LDLRAD3: variants seen among roughly 807,000 people sequenced by gnomAD.
The protein encoded by LDLRAD3 is low density lipoprotein receptor class A domain containing 3.
Under a neutral mutation model 29.4 loss-of-function variants are expected in LDLRAD3, and 20 were observed. The observed-to-expected ratio is 0.68, with a 90% CI of 0.48 to 0.99. LDLRAD3 has a LOEUF of 0.99. Among genes scored for constraint, LDLRAD3 ranks in the 50% least tolerant of loss-of-function variants. The probability of loss-of-function intolerance (pLI) is 0.00; values close to 1 mark genes in which losing one functional copy is unlikely to be tolerated. For missense variants in LDLRAD3, 420 were observed against 454.3 expected (o/e 0.92, Z 0.69); for synonymous variants, 157 against 192.7 (o/e 0.81, Z 1.53).
intron 4 of LDLRAD3, among the ~76,000 whole-genome samples, chr11:36,103,534 T>G (rs1853482871): frequency 6.6e-6 from 1 of 152,186 alleles, no homozygotes; most frequent in African/African-American, 2.4e-5. Context: ...CCACCGTGCC[T>G]GGCCCAGTAT....
chr11:36,182,284 A>T (rs1372459643), intron 4 of LDLRAD3, among the ~76,000 whole-genome samples: 1 of 152,242 alleles, frequency 6.6e-6, no homozygotes, highest in African/African-American at 2.4e-5. Flanking sequence ...AGTCCTTTCC[A>T]GATAGAATAT....
At chr11:36,038,435 C>T (rs1303544064) in intron 2 of LDLRAD3, among the ~76,000 whole-genome samples, 1 of 152,114 alleles carries the variant, frequency 6.6e-6, no homozygotes, top group Non-Finnish European at 1.5e-5. Context: ...TACGGATTAT[C>T]GTTAGCTGAC....
intron 1 of LDLRAD3, among the ~76,000 whole-genome samples, chr11:35,994,336 CAAAAAAAAAAA>C (rs36041385): frequency 5.1e-4 from 25 of 49,036 alleles, no homozygotes; most frequent in African/African-American, 1.2e-3. Context: ...GACTTTGTCT[CAAAAAAAAAAA>C]AAAAAAAAAA....
intron 4 of LDLRAD3, among the ~76,000 whole-genome samples, chr11:36,159,127 A>G (rs1854397589): frequency 6.6e-6 from 1 of 152,234 alleles, no homozygotes; most frequent in African/African-American, 2.4e-5. Flanking sequence ...GAAGAAGAAC[A>G]GTGAGATAAG....
At chr11:35,950,645 G>C (rs1851119775) in intron 1 of LDLRAD3, among the ~76,000 whole-genome samples, 1 of 152,172 alleles carries the variant, frequency 6.6e-6, no homozygotes, top group Admixed American at 6.5e-5. Flanking sequence ...CATATATTAA[G>C]TGTCTGTGAT....
At chr11:35,947,451 A>C (rs559511336) in intron 1 of LDLRAD3, among the ~76,000 whole-genome samples, 1 of 152,022 alleles carries the variant, frequency 6.6e-6, no homozygotes, top group Non-Finnish European at 1.5e-5. Context: ...CGGAGGTTGC[A>C]ATAAGCCAAG....
chr11:36,157,634 C>T (rs1204212302), intron 4 of LDLRAD3, among the ~76,000 whole-genome samples: 2 of 152,192 alleles, frequency 1.3e-5, no homozygotes, highest in South Asian at 2.1e-4. Flanking sequence ...TACTATTTTG[C>T]GGGTCTCTGT....
rs556886776 is a variant in LDLRAD3, at chr11:36,032,438, T to A, written c.47-3665T>A. On this transcript the variant is annotated intron_variant, in intron 1 of 5. Transcript: ENST00000315571. ...TCTGAGGACACGGAGAACCCATCAG[T>A]GCATTTTAAAATCTCACTCTGTGTG... Among the ~76,000 whole-genome samples the A allele has an allele frequency of 2.6e-5, 4 of 152,256 alleles. No homozygotes were observed. The East Asian group carries it at 7.7e-4, about 29-fold the overall frequency.
chr11:36,064,688 A>G (rs1057035588), intron 2 of LDLRAD3, among the ~76,000 whole-genome samples: 1 of 152,084 alleles, frequency 6.6e-6, no homozygotes, highest in Non-Finnish European at 1.5e-5. Flanking sequence ...ATTTACAGCT[A>G]TAACTTTCAC....
chr11:36,220,375 G>C (rs1423984645), intron 4 of LDLRAD3, among the ~76,000 whole-genome samples: 1 of 152,124 alleles, frequency 6.6e-6, no homozygotes, highest in Non-Finnish European at 1.5e-5. Flanking sequence ...ATATATGTTA[G>C]CACAAAGACC....
intron 1 of LDLRAD3, among the ~76,000 whole-genome samples, chr11:36,010,815 T>C (rs1323658212): frequency 6.6e-5 from 10 of 152,170 alleles, no homozygotes; most frequent in Admixed American, 6.5e-4. Context: ...AGAAATTCTT[T>C]TTTTTTTGAA....
intron 1 of LDLRAD3, among the ~76,000 whole-genome samples, chr11:36,033,108 A>C (rs1852256662): frequency 6.6e-6 from 1 of 152,052 alleles, no homozygotes; most frequent in Non-Finnish European, 1.5e-5. Flanking sequence ...CCTGACCTCA[A>C]GTGATCCACC....
chr11:36,153,797 T>A (rs1854308739), intron 4 of LDLRAD3, among the ~76,000 whole-genome samples: 1 of 152,140 alleles, frequency 6.6e-6, no homozygotes, highest in Non-Finnish European at 1.5e-5. Flanking sequence ...TTCCTGCCAT[T>A]AGGGGGTTTC....
chr11:35,964,988 C>CAAA (rs368598047), intron 1 of LDLRAD3, among the ~76,000 whole-genome samples: 2,080 of 137,502 alleles, frequency 0.015, 52 homozygotes, highest in African/African-American at 0.05. Context: ...AGACTGTCTC[C>CAAA]AAAAAAAAAA....
chr11:36,120,248 G>A (rs11033437), intron 4 of LDLRAD3, among the ~76,000 whole-genome samples: 35,410 of 152,124 alleles, frequency 0.23, 4,390 homozygotes, highest in East Asian at 0.33. Context: ...GTATGATGAT[G>A]TAACAGGCAT....
chr11:35,974,058 T>C (rs1851448130), intron 1 of LDLRAD3, among the ~76,000 whole-genome samples: 1 of 152,236 alleles, frequency 6.6e-6, no homozygotes, highest in South Asian at 2.1e-4. Context: ...TATTGATTTG[T>C]AGGAACTACT....
At chr11:36,101,813 T>C (rs1853450554) in intron 4 of LDLRAD3, 5 of 272,546 alleles carry the variant, frequency 1.8e-5, no homozygotes. Flanking sequence ...AGTATTTTCC[T>C]GAAGAATCTC....
At chr11:35,953,595 G>C (rs1260678710) in intron 1 of LDLRAD3, among the ~76,000 whole-genome samples, 1 of 152,120 alleles carries the variant, frequency 6.6e-6, no homozygotes, top group African/African-American at 2.4e-5. Context: ...TCCAGGCGTC[G>C]TTAAACTAAT....
At chr11:35,956,525 A>G (rs1851202778) in intron 1 of LDLRAD3, among the ~76,000 whole-genome samples, 1 of 152,174 alleles carries the variant, frequency 6.6e-6, no homozygotes, top group Non-Finnish European at 1.5e-5. Context: ...TTAAAGTTTG[A>G]GAGGCATTGA....
Sources: gnomAD v4.1 joint callset for allele counts (sites outside exome capture counted in the v4.1 genomes callset) on GRCh38, gnomAD v4.1.1 for gene constraint, MANE v1.5 for transcripts, NCBI Gene and HGNC (gene_info 2026-07-23, HGNC 2026-07-21) for gene names.